Variants in LRRTM4 observed in about 807,000 individuals in gnomAD.
The protein encoded by LRRTM4 is leucine-rich repeat transmembrane neuronal protein 4.
Under a neutral mutation model 47.6 loss-of-function variants are expected in LRRTM4, and 25 were observed. The ratio of observed to expected loss-of-function variants is 0.53; its 90% CI spans 0.38 to 0.73. LRRTM4 has a LOEUF of 0.73. Among genes scored for constraint, LRRTM4 ranks in the 30% least tolerant of loss-of-function variants. LRRTM4 has a pLI of 0.00. For synonymous variants in LRRTM4, 311 were observed against 269.5 expected (o/e 1.15, Z -1.51); for missense variants, 638 against 713.4 (o/e 0.89, Z 1.20).
chr2:77,018,924 G>A (rs1428345133), intron 3 of LRRTM4, among the ~76,000 whole-genome samples: 1 of 152,020 alleles, frequency 6.6e-6, no homozygotes, highest in Non-Finnish European at 1.5e-5. Context: ...ATGTGGTAAT[G>A]CATAATTTCA....
intron 3 of LRRTM4, among the ~76,000 whole-genome samples, chr2:77,104,724 C>G (rs146010592): frequency 3.3e-5 from 5 of 152,292 alleles, no homozygotes; most frequent in African/African-American, 1.2e-4. Flanking sequence ...AATTTGAGGA[C>G]ACCCGCTGAA....
chr2:77,461,841 A>C (rs538790474), intron 3 of LRRTM4, among the ~76,000 whole-genome samples: 86 of 152,192 alleles, frequency 5.7e-4, no homozygotes, highest in African/African-American at 2.0e-3. Flanking sequence ...ATTGTCTCAA[A>C]AGGCTGACTG....
At chr2:76,956,984 T>C (rs1675696413) in intron 3 of LRRTM4, among the ~76,000 whole-genome samples, 1 of 151,704 alleles carries the variant, frequency 6.6e-6, no homozygotes. Flanking sequence ...ATCACAGCAT[T>C]ACTAACAATA....
rs1674658023 is a variant in LRRTM4 at position 77,222,239 on chromosome 2, C to T, written c.1551+296079G>A. ...GAGGGAAATTTATAGCACCGAATGC[C>T]CACAAGAGAAAGCAGGAAAGATCTA... On this transcript the variant is annotated intron_variant, in intron 3 of 3. Transcript: ENST00000409884. Among the ~76,000 whole-genome samples the T allele has an allele frequency of 2.0e-5, 3 of 151,972 alleles. No homozygotes were observed. The South Asian group carries it at 6.2e-4, about 32-fold the overall frequency.
chr2:77,128,774 G>A (rs962169720), intron 3 of LRRTM4, among the ~76,000 whole-genome samples: 3 of 151,898 alleles, frequency 2.0e-5, no homozygotes, highest in African/African-American at 7.3e-5. Flanking sequence ...CAAGTAGCTG[G>A]GATTACAGGC....
chr2:77,065,740 T>C (rs1369834442), intron 3 of LRRTM4, among the ~76,000 whole-genome samples: 4 of 152,168 alleles, frequency 2.6e-5, no homozygotes, highest in Admixed American at 6.5e-5. Context: ...GGAGCCTTTG[T>C]TAATCTTATT....
intron 3 of LRRTM4, among the ~76,000 whole-genome samples, chr2:76,846,800 G>A (rs1199485657): frequency 6.6e-6 from 1 of 152,158 alleles, no homozygotes; most frequent in Admixed American, 6.5e-5. Flanking sequence ...GGAATGGCAA[G>A]GGTGGGTTTC....
Position 77,217,440 on chromosome 2 carries a change from AATATATATAT to A in LRRTM4, c.1551+300868_1551+300877del, listed in dbSNP as rs34070418. On this transcript the variant is annotated intron_variant, in intron 3 of 3. Transcript: ENST00000409884. ...TGATTTGGGCTATATCTCCAAATGA[AATATATATAT>A]ATATATATATATATATATACTAAGC... Among the ~76,000 whole-genome samples the A allele has an allele frequency of 1.9e-3, 146 of 76,792 alleles. 5 individuals carry two copies. The highest frequency in any genetic ancestry group is 8.1e-3 in the African/African-American group (131 of 16,098). 50.4% of individuals were successfully genotyped at this position (76,792 alleles called of 152,430 possible). A position where few individuals can be genotyped will look rare whatever the true frequency, so the allele number is the denominator to read the frequency against.
At chr2:77,391,070 A>G (rs916064617) in intron 3 of LRRTM4, among the ~76,000 whole-genome samples, 14 of 152,070 alleles carry the variant, frequency 9.2e-5, no homozygotes, top group Admixed American at 7.9e-4. Context: ...TCAGGACATT[A>G]CAAATTCTTT....
At chr2:77,390,260 C>T (rs1468657982) in intron 3 of LRRTM4, among the ~76,000 whole-genome samples, 3 of 151,970 alleles carry the variant, frequency 2.0e-5, no homozygotes, top group Non-Finnish European at 2.9e-5. Flanking sequence ...AACATTTAAA[C>T]ACTATGGAGA....
chr2:77,027,387 C>A (rs1392705557), intron 3 of LRRTM4, among the ~76,000 whole-genome samples: 1 of 152,112 alleles, frequency 6.6e-6, no homozygotes, highest in Non-Finnish European at 1.5e-5. Context: ...TGAATAGTCA[C>A]AGCATGCCAA....
intron 3 of LRRTM4, among the ~76,000 whole-genome samples, chr2:77,274,786 G>A (rs767612444): frequency 6.6e-6 from 1 of 152,114 alleles, no homozygotes; most frequent in South Asian, 2.1e-4. Context: ...AACCACAGAA[G>A]AGTTAACAAA....
chr2:77,081,266 A>G lies in LRRTM4; in HGVS notation c.1552-332350T>C, dbSNP rs1022249636. On this transcript the variant is annotated intron_variant, in intron 3 of 3. Transcript: ENST00000409884. ...GACAGCAACACACACACACACACAC[A>G]CACACACACACACACACACACACAC... 6.7e-5 allele frequency among the ~76,000 whole-genome samples: 10 copies of G among 148,810 alleles called. No individual in the cohort carries two copies. In the South Asian group the frequency reaches 1.9e-3, roughly 28 times the overall value.
chr2:77,411,265 T>C (rs1674410268), intron 3 of LRRTM4, among the ~76,000 whole-genome samples: 1 of 152,064 alleles, frequency 6.6e-6, no homozygotes, highest in East Asian at 1.9e-4. Context: ...TGCTAAACTT[T>C]ACAACAATAA....
intron 3 of LRRTM4, among the ~76,000 whole-genome samples, chr2:77,494,436 T>C (rs1328650506): frequency 6.6e-6 from 1 of 151,952 alleles, no homozygotes; most frequent in African/African-American, 2.4e-5. Flanking sequence ...GTGCTAGTGG[T>C]CCCTCAATCC....
intron 3 of LRRTM4, among the ~76,000 whole-genome samples, chr2:77,045,154 G>A (rs750034188): frequency 6.6e-6 from 1 of 151,824 alleles, no homozygotes; most frequent in Non-Finnish European, 1.5e-5. Flanking sequence ...AACTCTACAT[G>A]GAGAGGCAGG....
intron 3 of LRRTM4, among the ~76,000 whole-genome samples, chr2:77,400,220 T>C (rs1673891645): frequency 6.6e-6 from 1 of 151,150 alleles, no homozygotes; most frequent in Non-Finnish European, 1.5e-5. Context: ...ATTCTTTTTT[T>C]TCTCCATTCT....
chr2:77,362,121 G>GAAAGAAAGAAAGA (rs1553434366), intron 3 of LRRTM4, among the ~76,000 whole-genome samples: 2,001 of 111,942 alleles, frequency 0.018, 22 homozygotes, highest in Non-Finnish European at 0.029. Flanking sequence ...AAGAGAGAAA[G>GAAAGAAAGAAAGA]AAAGAAAGAA....
chr2:76,782,394 T>G (rs1393379374), intron 3 of LRRTM4, among the ~76,000 whole-genome samples: 2 of 152,194 alleles, frequency 1.3e-5, no homozygotes, highest in Non-Finnish European at 2.9e-5. Flanking sequence ...CCAGTATAAC[T>G]AGTGGTGCTT....
Sources: gnomAD v4.1 joint callset for allele counts (sites outside exome capture counted in the v4.1 genomes callset) on GRCh38, gnomAD v4.1.1 for gene constraint, MANE v1.5 for transcripts, NCBI Gene and HGNC (gene_info 2026-07-23, HGNC 2026-07-21) for gene names.